The following GNB1L variants were observed in gnomAD, a reference collection of about 807,000 sequenced individuals.
GNB1L encodes the protein G protein subunit beta 1 like, also known as guanine nucleotide-binding protein subunit beta-like protein 1.
A neutral mutation model predicts 29.1 loss-of-function variants in GNB1L; 20 were observed. That is an observed-to-expected ratio of 0.69 (90% CI 0.48 to 1.00). GNB1L has a LOEUF of 1.00. Among genes scored for constraint, GNB1L ranks in the 50% least tolerant of loss-of-function variants. GNB1L has a pLI of 0.00. For missense variants in GNB1L, 421 were observed against 464.9 expected (o/e 0.91, Z 0.87); for synonymous variants, 193 against 206.5 (o/e 0.93, Z 0.56).
intron 7 of GNB1L, among the ~76,000 whole-genome samples, chr22:19,797,533 C>G (rs558966148): frequency 2.0e-5 from 3 of 152,316 alleles, no homozygotes; most frequent in South Asian, 4.1e-4. Context: ...CATTCAAGAC[C>G]CAGATTCTTT....
intron 2 of GNB1L, chr22:19,848,025 C>T (rs888515165): frequency 3.0e-6 from 3 of 985,224 alleles, no homozygotes; most frequent in African/African-American, 1.7e-5. Context: ...TTATTTGGCC[C>T]GTTTCAAAGT....
rs1326120977 is a variant in GNB1L at position 19,852,325 on chromosome 22, T to C, written c.-21+2118A>G. ...GGTGGGTGGTGGGGGTGTGGACAGA[T>C]GTGGCTTGCACGACACAACAGGACA... is the stretch of plus-strand genomic sequence containing the variant. On this transcript the variant is annotated intron_variant, in intron 2 of 7. Transcript: ENST00000329517. The C allele has an allele frequency of 3.3e-6, 5 of 1,529,760 alleles. No homozygotes were observed. The East Asian group carries it at 1.1e-4, about 35-fold the overall frequency. The allele number at this position is 1,529,760 out of a possible 1,614,324, so 94.8% of individuals were successfully genotyped here.
At chr22:19,842,457 G>T (rs1028377144) in intron 2 of GNB1L, among the ~76,000 whole-genome samples, 1 of 152,250 alleles carries the variant, frequency 6.6e-6, no homozygotes, top group Non-Finnish European at 1.5e-5. Context: ...CAAGGCCTCG[G>T]GGGCCAGGAT....
chr22:19,789,973 G>C (rs905537320), intron 7 of GNB1L, among the ~76,000 whole-genome samples: 1 of 152,236 alleles, frequency 6.6e-6, no homozygotes, highest in Non-Finnish European at 1.5e-5. Flanking sequence ...CACAGCCACA[G>C]GGTGCCAAGG....
At position 19,801,519 on chromosome 22, in the gene GNB1L, TCAG is replaced by T. The variant is rs547486768; in HGVS notation, c.732+479_732+481del. On this transcript the variant is annotated intron_variant, in intron 7 of 7. Coordinates refer to ENST00000329517, the MANE Select transcript of GNB1L (RefSeq NM_053004.3). The stretch of plus-strand genomic sequence containing the variant: ...CCCAGGAGACACCATGGGAAGATCT[TCAG>T]CAACCGCCAGGTGGCCCTGAGGCTT... Among the ~76,000 whole-genome samples, 252 of 152,302 alleles carry T rather than the reference TCAG, an allele frequency of 1.7e-3. 1 individual carries two copies. Among genetic ancestry groups the T allele is most frequent in the Non-Finnish European group, 2.9e-3 (200 of 68,018 alleles).
At chr22:19,822,212 G>C (rs892140815) in intron 2 of GNB1L, among the ~76,000 whole-genome samples, 14 of 152,196 alleles carry the variant, frequency 9.2e-5, no homozygotes, top group African/African-American at 3.1e-4. Flanking sequence ...CAGGCCCCTG[G>C]CGCTGAGGCC....
rs1261422202 is a variant in GNB1L, at chr22:19,816,981, A to G, written c.254+3617T>C. 6.6e-6 allele frequency among the ~76,000 whole-genome samples: 1 copy of G among 152,174 alleles called. No individual in the cohort carries two copies. Among genetic ancestry groups the G allele is most frequent in the Non-Finnish European group, 1.5e-5 (1 of 68,032 alleles). The stretch of plus-strand genomic sequence containing the variant: ...GAAGGCGGGACCGCTGGGTACCCAC[A>G]TGGAAACCCAGGGCCTTCACTGCAC... On this transcript the variant is annotated intron_variant, in intron 4 of 7. Transcript: ENST00000329517. The surrounding 1 kb of genome is among the most constrained non-coding windows in gnomAD (Gnocchi z 4.4).
At chr22:19,793,332 TG>T (rs911325803) in intron 7 of GNB1L, among the ~76,000 whole-genome samples, 21 of 152,234 alleles carry the variant, frequency 1.4e-4, no homozygotes, top group Admixed American at 3.3e-4. Flanking sequence ...AACAGTAGAT[TG>T]GAAATATATA....
At chr22:19,803,757 C>A (rs1937401637) in intron 6 of GNB1L, among the ~76,000 whole-genome samples, 1 of 152,174 alleles carries the variant, frequency 6.6e-6, no homozygotes, top group Non-Finnish European at 1.5e-5. Context: ...TGCATCCCAA[C>A]CAGGAATGCA....
chr22:19,806,474 G>A (rs1937435745), intron 6 of GNB1L, among the ~76,000 whole-genome samples, 185 bp downstream of exon 6: 1 of 152,244 alleles, frequency 6.6e-6, no homozygotes, highest in African/African-American at 2.4e-5. Flanking sequence ...GCACTGACAG[G>A]AGGCCCCTTG....
chr22:19,850,436 G>A (rs778265201), intron 2 of GNB1L: 8 of 994,886 alleles, frequency 8.0e-6, no homozygotes, highest in South Asian at 9.4e-5. Flanking sequence ...CAGGGAAGAG[G>A]AGCCTGCTTC....
At chr22:19,815,665 C>T (rs1463040256) in intron 4 of GNB1L, among the ~76,000 whole-genome samples, 1 of 152,130 alleles carries the variant, frequency 6.6e-6, no homozygotes, top group Non-Finnish European at 1.5e-5. Flanking sequence ...TCACTGCAGC[C>T]TCAAACTCCT....
Position 19,851,828 on chromosome 22 carries a change from C to T in GNB1L, c.-21+2615G>A, listed in dbSNP as rs200764515. The T allele has an allele frequency of 5.4e-5, 87 of 1,613,892 alleles. No individual in the cohort carries two copies. The Middle Eastern group carries it at 6.6e-4, about 12-fold the overall frequency. The stretch of plus-strand genomic sequence containing the variant: ...CCAGGCCTGGGCTCGGCCTGTTAGG[C>T]GCCTGAGGATCTCGCAGACACGGCT... On this transcript the variant is annotated intron_variant, in intron 2 of 7. Coordinates refer to ENST00000329517, the MANE Select transcript of GNB1L (RefSeq NM_053004.3).
At chr22:19,851,935 G>A (rs1601358910) in intron 2 of GNB1L, 1 of 1,614,110 alleles carries the variant, frequency 6.2e-7, no homozygotes, top group East Asian at 2.2e-5. Flanking sequence ...GCCACGGGGA[G>A]CCATCAAAGG....
At chr22:19,798,176 G>A (rs987927649) in intron 7 of GNB1L, among the ~76,000 whole-genome samples, 11 of 152,164 alleles carry the variant, frequency 7.2e-5, no homozygotes, top group African/African-American at 1.4e-4. Flanking sequence ...GCGCGGGGCC[G>A]TCAAGTCCAG....
intron 2 of GNB1L, chr22:19,851,765 T>C: frequency 6.2e-7 from 1 of 1,611,066 alleles, no homozygotes; most frequent in Non-Finnish European, 8.5e-7. Flanking sequence ...CTCGTAATCG[T>C]CAGGCAGGGG....
intron 4 of GNB1L, among the ~76,000 whole-genome samples, chr22:19,815,928 C>A (rs997334392): frequency 6.6e-6 from 1 of 152,190 alleles, no homozygotes; most frequent in Non-Finnish European, 1.5e-5. Flanking sequence ...GAGAACGGCA[C>A]GAAGACCCCG....
intron 7 of GNB1L, among the ~76,000 whole-genome samples, chr22:19,789,909 A>G (rs547211981): frequency 1.6e-4 from 24 of 152,014 alleles, no homozygotes; most frequent in Admixed American, 2.6e-4. Flanking sequence ...TTTGGTGGCC[A>G]GACAAAAAGA....
At chr22:19,853,718 T>TGG (rs35729509) in intron 2 of GNB1L, among the ~76,000 whole-genome samples, 34 of 143,490 alleles carry the variant, frequency 2.4e-4, no homozygotes, top group African/African-American at 8.7e-4. Context: ...GACCCCCCTC[T>TGG]GGGGGGGGGG....
Sources: gnomAD v4.1 joint callset for allele counts (sites outside exome capture counted in the v4.1 genomes callset) on GRCh38, gnomAD v4.1.1 for gene constraint, Gnocchi (gnomAD v3.1) non-coding constraint, MANE v1.5 for transcripts, NCBI Gene and HGNC (gene_info 2026-07-23, HGNC 2026-07-21) for gene names.